Variants in CLSTN2 observed in about 807,000 individuals in gnomAD.
The protein encoded by CLSTN2 is calsyntenin-2.
Under a neutral mutation model 101.2 loss-of-function variants are expected in CLSTN2, and 48 were observed. The observed-to-expected ratio is 0.47, with a 90% confidence interval of 0.38 to 0.60. The LOEUF is 0.60. Ranked by LOEUF, CLSTN2 falls within the 20% of genes least tolerant of loss-of-function variation. CLSTN2 has a pLI of 0.00. For synonymous variants in CLSTN2, 481 were observed against 463.6 expected (o/e 1.04, Z -0.48); for missense variants, 1,160 against 1,238.2 (o/e 0.94, Z 0.95).
chr3:139,965,277 C>A (rs1935575397), intron 1 of CLSTN2, among the ~76,000 whole-genome samples: 1 of 152,190 alleles, frequency 6.6e-6, no homozygotes, highest in African/African-American at 2.4e-5. Context: ...ACCAACCTCC[C>A]TACTTTGGTA....
At chr3:140,483,767 C>T (rs1420575231) in intron 8 of CLSTN2, among the ~76,000 whole-genome samples, 1 of 152,062 alleles carries the variant, frequency 6.6e-6, no homozygotes, top group Admixed American at 6.6e-5. Context: ...GATTGCAACC[C>T]CTGCTCTGAT....
chr3:140,000,208 G>A (rs970802176), intron 1 of CLSTN2, among the ~76,000 whole-genome samples: 53 of 152,276 alleles, frequency 3.5e-4, no homozygotes, highest in African/African-American at 1.2e-3. Context: ...AAGTGTAAAA[G>A]GTTCCTGACA....
In CLSTN2 at chr3:140,538,495, T is replaced by C. The variant is rs184441373; in HGVS notation, c.1507+6009T>C. ...GGGATAAGAAGGCAGAAATAACCCC[T>C]GAGAGTTGCAGTAAGCAGTAACGTA... is the stretch of plus-strand genomic sequence containing the variant. On this transcript the variant is annotated intron_variant, in intron 9 of 16. Coordinates refer to ENST00000458420, the MANE Select transcript of CLSTN2 (RefSeq NM_022131.3). 6.6e-5 allele frequency among the ~76,000 whole-genome samples: 10 copies of C among 152,280 alleles called. No homozygotes were observed. The East Asian group carries it at 1.5e-3, about 24-fold the overall frequency.
intron 1 of CLSTN2, among the ~76,000 whole-genome samples, chr3:140,085,485 A>G (rs993905380): frequency 6.6e-6 from 1 of 151,972 alleles, no homozygotes; most frequent in African/African-American, 2.4e-5. Context: ...GACCAACCTC[A>G]CCTAGAAGCA....
At chr3:140,466,961 T>C (rs574760617) in intron 8 of CLSTN2, among the ~76,000 whole-genome samples, 1 of 152,194 alleles carries the variant, frequency 6.6e-6, no homozygotes. Flanking sequence ...TGCTGCTGGG[T>C]CACTGGACCT....
chr3:140,175,066 A>G (rs2010302275), intron 1 of CLSTN2, among the ~76,000 whole-genome samples: 1 of 152,150 alleles, frequency 6.6e-6, no homozygotes, highest in African/African-American at 2.4e-5. Context: ...TCTGTGCCAC[A>G]ATTTTCCCTT....
chr3:140,519,039 A>G (rs894439954), intron 8 of CLSTN2, among the ~76,000 whole-genome samples: 1 of 152,128 alleles, frequency 6.6e-6, no homozygotes, highest in African/African-American at 2.4e-5. Flanking sequence ...CTTTGTTCTC[A>G]TTAGTTTCAA....
intron 2 of CLSTN2, among the ~76,000 whole-genome samples, chr3:140,230,326 A>T (rs2086359522): frequency 6.6e-6 from 1 of 152,226 alleles, no homozygotes; most frequent in Non-Finnish European, 1.5e-5. Flanking sequence ...ATGTCAAACC[A>T]GTGGGTATTT....
chr3:140,390,521 T>C (rs1576545146), intron 2 of CLSTN2, among the ~76,000 whole-genome samples: 2 of 152,228 alleles, frequency 1.3e-5, no homozygotes, highest in African/African-American at 4.8e-5. Context: ...TGTCCCAGCA[T>C]ATGGTCTTTA....
chr3:140,314,126 C>A (rs748738970), intron 2 of CLSTN2, among the ~76,000 whole-genome samples: 1 of 152,212 alleles, frequency 6.6e-6, no homozygotes, highest in African/African-American at 2.4e-5. Flanking sequence ...ATCATCACAA[C>A]AATCCCATAG....
chr3:140,066,443 G>A (rs964471351), intron 1 of CLSTN2, among the ~76,000 whole-genome samples: 2 of 152,246 alleles, frequency 1.3e-5, no homozygotes, highest in African/African-American at 4.8e-5. Flanking sequence ...CAATGACCCT[G>A]TGAAAGAAGA....
chr3:139,962,683 C>T (rs1333067960), intron 1 of CLSTN2, among the ~76,000 whole-genome samples: 2 of 152,192 alleles, frequency 1.3e-5, no homozygotes, highest in Non-Finnish European at 2.9e-5. Context: ...GCTTCTTTTA[C>T]TCAGTATAAT....
chr3:140,348,176 C>T (rs534084900), intron 2 of CLSTN2, among the ~76,000 whole-genome samples: 4 of 152,162 alleles, frequency 2.6e-5, no homozygotes, highest in Admixed American at 6.5e-5. Context: ...GAGTTACCAA[C>T]ATGGAAGTAG....
intron 10 of CLSTN2, among the ~76,000 whole-genome samples, chr3:140,555,548 T>G (rs1166052591): frequency 6.6e-6 from 1 of 152,182 alleles, no homozygotes; most frequent in African/African-American, 2.4e-5. Context: ...GAATATATTA[T>G]CTATTCAAAA....
intron 8 of CLSTN2, among the ~76,000 whole-genome samples, chr3:140,468,725 C>T (rs968133988): frequency 5.3e-5 from 8 of 152,166 alleles, no homozygotes; most frequent in Admixed American, 5.2e-4. Flanking sequence ...CCGGCTGCTG[C>T]TTTGGTGTGC....
chr3:140,250,076 CA>C lies in CLSTN2; in HGVS notation c.232+74009del, dbSNP rs935091805. 2.6e-5 allele frequency among the ~76,000 whole-genome samples: 4 copies of C among 152,186 alleles called. No individual in the cohort carries two copies. In the South Asian group the frequency reaches 6.2e-4, roughly 24 times the overall value. ...GATACTTGCCTAATTTTTTATTAGG[CA>C]AAAAACTTGAAGAATAACTTGTTTT... On this transcript the variant is annotated intron_variant, in intron 2 of 16. Coordinates refer to ENST00000458420, the MANE Select transcript of CLSTN2 (RefSeq NM_022131.3).
At chr3:140,482,951 G>T (rs1019780724) in intron 8 of CLSTN2, among the ~76,000 whole-genome samples, 1 of 151,974 alleles carries the variant, frequency 6.6e-6, no homozygotes, top group South Asian at 2.1e-4. Context: ...CTTCAGTTCT[G>T]CTCTGATCTT....
chr3:140,455,340 G>C (rs1933370385), intron 6 of CLSTN2, among the ~76,000 whole-genome samples: 1 of 152,178 alleles, frequency 6.6e-6, no homozygotes, highest in African/African-American at 2.4e-5. Flanking sequence ...AAGTGCTAAG[G>C]AACCTCTGGC....
intron 1 of CLSTN2, among the ~76,000 whole-genome samples, chr3:139,997,689 T>C (rs1467909719): frequency 6.6e-6 from 1 of 152,216 alleles, no homozygotes; most frequent in East Asian, 1.9e-4. Context: ...AGTGATGTGG[T>C]CTATTTTCTT....
Sources: gnomAD v4.1 joint callset for allele counts (sites outside exome capture counted in the v4.1 genomes callset) on GRCh38, gnomAD v4.1.1 for gene constraint, MANE v1.5 for transcripts, NCBI Gene and HGNC (gene_info 2026-07-23, HGNC 2026-07-21) for gene names.